The following TNRC6A variants were observed in gnomAD, a reference collection of about 807,000 sequenced individuals.
The protein encoded by TNRC6A is trinucleotide repeat containing adaptor 6A.
In TNRC6A, 44 loss-of-function variants were observed where a neutral mutation model predicts 221.2. The observed-to-expected ratio is 0.20, with a 90% confidence interval of 0.16 to 0.26. The LOEUF (loss-of-function observed/expected upper bound fraction) is 0.26, where lower values mean the gene tolerates loss of function less well. TNRC6A is among the 10% of genes least tolerant of loss of function. TNRC6A has a pLI of 1.00. For missense variants in TNRC6A, 2,199 were observed against 2,404.4 expected (o/e 0.91, Z 1.79); for synonymous variants, 847 against 838.5 (o/e 1.01, Z -0.18).
intron 12 of TNRC6A, 129 bp downstream of exon 12, chr16:24,804,448 G>T: frequency 8.2e-7 from 1 of 1,216,140 alleles, no homozygotes; most frequent in Non-Finnish European, 1.1e-6. Flanking sequence ...CTTATTACTG[G>T]ATTTTGAAGT....
At chr16:24,730,137 C>A in intron 1 of TNRC6A, 116 bp from the exon 2 acceptor site, 2 of 696,400 alleles carry the variant, frequency 2.9e-6, no homozygotes, top group African/African-American at 2.0e-5. Context: ...CCCGTCCTCT[C>A]CCCTCCCCCA....
intron 2 of TNRC6A, among the ~76,000 whole-genome samples, chr16:24,732,681 C>T (rs920228507): frequency 3.3e-5 from 5 of 152,262 alleles, no homozygotes; most frequent in South Asian, 2.1e-4. Context: ...GTTTTTTCAT[C>T]TGGGCACTTG....
chr16:24,664,780 C>A, intron 2 of TNRC6A: 2 of 339,368 alleles, frequency 5.9e-6, no homozygotes, highest in South Asian at 2.8e-5. Flanking sequence ...CACACACACA[C>A]ACACACACAC....
chr16:24,637,270 C>T (rs1414503783), intron 1 of TNRC6A, among the ~76,000 whole-genome samples: 6 of 152,038 alleles, frequency 3.9e-5, no homozygotes. Context: ...TGGCCTCAAG[C>T]GATCTGCCCA....
chr16:24,791,623 C>G lies in TNRC6A; in HGVS notation c.2981C>G (p.Ser994Cys). 1 of 1,610,454 alleles carries G rather than the reference C, an allele frequency of 6.2e-7. No individual in the cohort carries two copies. Among genetic ancestry groups the G allele is most frequent in the Non-Finnish European group, 8.5e-7 (1 of 1,178,640 alleles). Residue 994 changes from serine to cysteine, a missense_variant, in exon 6 of 25, where the codon TCT (serine) becomes TGT (cysteine). Transcript: ENST00000395799. Reference protein sequence around the residue: ...PTGWEEPSPESIRRKMEIDDG... With the variant: ...PTGWEEPSPECIRRKMEIDDG... ...GGCTGGGAGGAACCATCCCCAGAAT[C>G]TATACGTCGCAAAATGGAGATTGAT...
intron 2 of TNRC6A, among the ~76,000 whole-genome samples, chr16:24,713,934 G>A (rs1171923924): frequency 1.3e-5 from 2 of 152,022 alleles, no homozygotes; most frequent in Non-Finnish European, 2.9e-5. Context: ...GCGTGAGGCA[G>A]CGCACTTGGC....
At chr16:24,805,489 C>A (rs932820520) in intron 14 of TNRC6A, 116 bp from the exon 15 acceptor site, 3 of 1,390,608 alleles carry the variant, frequency 2.2e-6, no homozygotes, top group Non-Finnish European at 3.0e-6. Flanking sequence ...AAGACTATAA[C>A]CCCCAATGAA....
chr16:24,649,336 T>G (rs1055197622), intron 2 of TNRC6A, among the ~76,000 whole-genome samples: 1 of 152,078 alleles, frequency 6.6e-6, no homozygotes, highest in African/African-American at 2.4e-5. Flanking sequence ...TGAGACAGGG[T>G]CTCACTCTGT....
intron 2 of TNRC6A, among the ~76,000 whole-genome samples, chr16:24,686,957 C>G (rs1041109361): frequency 6.6e-6 from 1 of 152,192 alleles, no homozygotes; most frequent in Admixed American, 6.5e-5. Context: ...GATTTCAGCT[C>G]TACCACTTAC....
chr16:24,761,793 G>A (rs970028049), intron 4 of TNRC6A, among the ~76,000 whole-genome samples: 2 of 152,160 alleles, frequency 1.3e-5, no homozygotes, highest in Non-Finnish European at 1.5e-5. Flanking sequence ...AGGCTCCTGA[G>A]TAGTTGGGAC....
intron 2 of TNRC6A, among the ~76,000 whole-genome samples, chr16:24,675,692 CTCTCTCTCTCTATATA>C (rs1362691003): frequency 9.3e-5 from 8 of 85,800 alleles, no homozygotes; most frequent in South Asian, 4.5e-4. Context: ...CTCTCTCTCT[CTCTCTCTCTCTATATA>C]TATATATATA....
chr16:24,739,763 G>A (rs2056852993), intron 2 of TNRC6A, among the ~76,000 whole-genome samples: 1 of 152,130 alleles, frequency 6.6e-6, no homozygotes, highest in Non-Finnish European at 1.5e-5. Context: ...ACAGGCATGA[G>A]CCACCGCATG....
chr16:24,793,161 A>T (rs887859512), intron 6 of TNRC6A, among the ~76,000 whole-genome samples: 1 of 152,136 alleles, frequency 6.6e-6, no homozygotes, highest in Non-Finnish European at 1.5e-5. Flanking sequence ...GTTTAGAATG[A>T]CTTGACTTTT....
intron 2 of TNRC6A, among the ~76,000 whole-genome samples, chr16:24,675,883 TAC>T (rs1450243391): frequency 6.6e-6 from 1 of 151,418 alleles, no homozygotes; most frequent in African/African-American, 2.4e-5. Context: ...TGCTGGAGGT[TAC>T]ACAAGTTCAT....
At chr16:24,763,297 A>G (rs1272197807) in intron 4 of TNRC6A, among the ~76,000 whole-genome samples, 1 of 152,218 alleles carries the variant, frequency 6.6e-6, no homozygotes, top group Non-Finnish European at 1.5e-5. Context: ...TCATTTCATC[A>G]TTCTTCAAAG....
chr16:24,713,067 C>T (rs551920391), intron 2 of TNRC6A, among the ~76,000 whole-genome samples: 19 of 152,174 alleles, frequency 1.2e-4, no homozygotes, highest in African/African-American at 4.3e-4. Context: ...GTGTATGCCA[C>T]TGTGCCAGCC....
In TNRC6A at chr16:24,678,800, G is replaced by A. The variant is rs556515735; in HGVS notation, n.402+37791G>A. 9.9e-5 allele frequency among the ~76,000 whole-genome samples: 15 copies of A among 152,250 alleles called. No individual in the cohort carries two copies. In the East Asian group the frequency reaches 1.7e-3, roughly 18 times the overall value. ...GAGAGACTGTGAGATAATATTTGTC[G>A]TTTCAAGGTGCTGAGTTCTGGGGAA... On this transcript the variant is annotated intron_variant and non_coding_transcript_variant, in intron 2 of 2. Coordinates refer to the TNRC6A transcript ENST00000566108.
intron 2 of TNRC6A, among the ~76,000 whole-genome samples, chr16:24,670,749 A>C (rs2055279875): frequency 6.6e-6 from 1 of 152,136 alleles, no homozygotes; most frequent in South Asian, 2.1e-4. Flanking sequence ...GACACTGTGC[A>C]TCACGCATCA....
At chr16:24,755,454 A>G (rs1394207702) in intron 3 of TNRC6A, among the ~76,000 whole-genome samples, 3 of 152,232 alleles carry the variant, frequency 2.0e-5, no homozygotes, top group Admixed American at 6.5e-5. Context: ...AATGCTTTCT[A>G]TATGTCAGGC....
Sources: allele counts gnomAD v4.1 joint callset (sites outside exome capture counted in the v4.1 genomes callset), GRCh38; gene constraint gnomAD v4.1.1; transcripts MANE v1.5; gene names NCBI Gene and HGNC (gene_info 2026-07-23, HGNC 2026-07-21).